DLGAP1: variants seen among roughly 807,000 people sequenced by gnomAD.
DLGAP1 encodes the protein disks large-associated protein 1.
In DLGAP1, 11 loss-of-function variants were observed where a neutral mutation model predicts 90.8. The observed-to-expected ratio is 0.12, with a 90% CI of 0.08 to 0.20. DLGAP1 has a LOEUF of 0.20. Ranked by LOEUF, DLGAP1 falls within the 10% of genes least tolerant of loss-of-function variation. The pLI is 1.00. For synonymous variants in DLGAP1, 558 were observed against 540.7 expected, an observed-to-expected ratio of 1.03 and a Z score of -0.44; for missense variants, 1,050 against 1,333.8, an observed-to-expected ratio of 0.79 and a Z score of 3.31.
At chr18:3,995,826 T>C (rs914570099) in intron 3 of DLGAP1, 7 of 152,120 alleles carry the variant, frequency 4.6e-5, no homozygotes, top group African/African-American at 1.7e-4. Flanking sequence ...TATTTAGATA[T>C]TTAATCTTAT....
chr18:3,564,122 C>T (rs2054301139), intron 9 of DLGAP1, among the ~76,000 whole-genome samples: 1 of 151,992 alleles, frequency 6.6e-6, no homozygotes, highest in Admixed American at 6.6e-5. Flanking sequence ...TTTTAGTATG[C>T]CTCGTAATTT....
chr18:4,024,943 A>T (rs1447941455), intron 2 of DLGAP1, among the ~76,000 whole-genome samples: 1 of 152,170 alleles, frequency 6.6e-6, no homozygotes, highest in African/African-American at 2.4e-5. Flanking sequence ...CTACCAAGTC[A>T]TCAATATGAA....
chr18:4,276,332 G>A (rs1383888632), intron 1 of DLGAP1, among the ~76,000 whole-genome samples: 1 of 151,976 alleles, frequency 6.6e-6, no homozygotes, highest in African/African-American at 2.4e-5. Context: ...TTTATAGATG[G>A]AGGTTAAAAT....
At chr18:4,118,699 A>C (rs1439007772) in intron 2 of DLGAP1, among the ~76,000 whole-genome samples, 2 of 151,932 alleles carry the variant, frequency 1.3e-5, no homozygotes, top group Non-Finnish European at 2.9e-5. Flanking sequence ...TCTTGGTTGC[A>C]TCTCCCTGGA....
intron 7 of DLGAP1, among the ~76,000 whole-genome samples, chr18:3,672,407 A>C (rs8090166): frequency 0.33 from 50,236 of 151,100 alleles, 10,684 homozygotes; most frequent in African/African-American, 0.61. Flanking sequence ...GAGAAACGTC[A>C]TCTCTACTAA....
chr18:3,686,408 C>T (rs8097578), intron 7 of DLGAP1, among the ~76,000 whole-genome samples: 65,101 of 151,762 alleles, frequency 0.43, 15,132 homozygotes, highest in African/African-American at 0.61. Context: ...ACACTGTTAA[C>T]AGAATTAACA....
Position 4,006,460 on chromosome 18 carries a change from C to T in DLGAP1, c.-158-1259G>A, listed in dbSNP as rs761436969. On this transcript the variant is annotated intron_variant, in intron 2 of 12. Transcript: ENST00000315677. ...AAAACTACCACTCTGTTCTCACCAA[C>T]GAGTATAAAGTTGTTTGTTTCTTGA... 1.2e-3 allele frequency among the ~76,000 whole-genome samples: 176 copies of T among 152,126 alleles called. 1 individual carries two copies. Among genetic ancestry groups the T allele is most frequent in the Non-Finnish European group, 2.2e-4 (15 of 68,028 alleles).
chr18:3,781,454 G>A (rs2065187801), intron 5 of DLGAP1, among the ~76,000 whole-genome samples: 1 of 151,694 alleles, frequency 6.6e-6, no homozygotes, highest in African/African-American at 2.4e-5. Context: ...CTGGGTTCAA[G>A]CTATTCTCCT....
intron 3 of DLGAP1, among the ~76,000 whole-genome samples, chr18:3,922,266 G>A (rs1157121105): frequency 6.6e-6 from 1 of 152,184 alleles, no homozygotes; most frequent in East Asian, 1.9e-4. Context: ...GAAAATAAGT[G>A]AGGAAAAACA....
intron 8 of DLGAP1, among the ~76,000 whole-genome samples, chr18:3,569,104 C>G (rs748774791): frequency 6.6e-6 from 1 of 151,776 alleles, no homozygotes; most frequent in Non-Finnish European, 1.5e-5. Flanking sequence ...CGGGTTCAAG[C>G]AATTCTCCTG....
chr18:4,076,850 C>G (rs1401039926), intron 2 of DLGAP1, among the ~76,000 whole-genome samples: 2 of 152,130 alleles, frequency 1.3e-5, no homozygotes, highest in Non-Finnish European at 2.9e-5. Context: ...TTTTGAACTC[C>G]TGACCTCAAG....
intron 1 of DLGAP1, among the ~76,000 whole-genome samples, chr18:4,418,146 C>G (rs866942673): frequency 3.3e-5 from 5 of 152,104 alleles, no homozygotes; most frequent in Admixed American, 2.6e-4. Flanking sequence ...CACTTCACAC[C>G]TAACCCAACT....
Position 4,337,636 on chromosome 18 carries a change from G to A in DLGAP1, c.-267+117370C>T, listed in dbSNP as rs1048031319. 6.6e-5 allele frequency among the ~76,000 whole-genome samples: 10 copies of A among 152,054 alleles called. No homozygotes were observed. In the South Asian group the frequency reaches 8.3e-4, roughly 13 times the overall value. ...CAAATCTCCTCAAGAGTTGTGTGTC[G>A]GGAGCCAATTGTCAATTCCAACAAA... On this transcript the variant is annotated intron_variant, in intron 1 of 12. Coordinates refer to ENST00000315677, the MANE Select transcript of DLGAP1 (RefSeq NM_004746.4).
intron 2 of DLGAP1, among the ~76,000 whole-genome samples, chr18:4,148,446 A>G (rs918828649): frequency 6.6e-6 from 1 of 152,210 alleles, no homozygotes; most frequent in Non-Finnish European, 1.5e-5. Context: ...TGATTCTGGA[A>G]GACTTTGGAG....
intron 2 of DLGAP1, among the ~76,000 whole-genome samples, chr18:4,029,369 C>T (rs537113630): frequency 7.2e-5 from 11 of 152,256 alleles, no homozygotes; most frequent in Non-Finnish European, 1.3e-4. Context: ...AATATATACC[C>T]AGTAGTGGGA....
chr18:4,349,988 G>A (rs899689541), intron 1 of DLGAP1, among the ~76,000 whole-genome samples: 2 of 152,100 alleles, frequency 1.3e-5, no homozygotes, highest in African/African-American at 4.8e-5. Flanking sequence ...AGTTTTCATA[G>A]TTTAAACGTG....
chr18:4,100,510 T>C (rs2075762904), intron 2 of DLGAP1, among the ~76,000 whole-genome samples: 1 of 152,206 alleles, frequency 6.6e-6, no homozygotes, highest in Admixed American at 6.5e-5. Context: ...CCTTAAGATA[T>C]TCAGAATAGT....
rs561124062 is a variant in DLGAP1 at position 4,105,846 on chromosome 18, C to G, written c.-159+45334G>C. Among the ~76,000 whole-genome samples the G allele has an allele frequency of 3.3e-4, 50 of 151,388 alleles. 2 individuals carry two copies. The highest frequency in any genetic ancestry group is 2.6e-3 in the Admixed American group (39 of 15,206). ...GAGATCGAGACCATCCTGGCTAACACGGTGAAACCCCGTCTCTACTAAAAA... is the reference window on the plus strand; with the variant it reads ...GAGATCGAGACCATCCTGGCTAACAGGGTGAAACCCCGTCTCTACTAAAAA... On this transcript the variant is annotated intron_variant, in intron 2 of 12. Coordinates refer to ENST00000315677, the MANE Select transcript of DLGAP1 (RefSeq NM_004746.4).
intron 3 of DLGAP1, among the ~76,000 whole-genome samples, chr18:3,931,508 C>G (rs1568306220): frequency 6.6e-6 from 1 of 152,054 alleles, no homozygotes; most frequent in African/African-American, 2.4e-5. Flanking sequence ...ATTCCTGGGC[C>G]CTGTTTCCCT....
Sources: gnomAD v4.1 joint callset for allele counts (sites outside exome capture counted in the v4.1 genomes callset) on GRCh38, gnomAD v4.1.1 for gene constraint, MANE v1.5 for transcripts, NCBI Gene and HGNC (gene_info 2026-07-23, HGNC 2026-07-21) for gene names.